Variants in EDIL3 observed in about 807,000 individuals in gnomAD.
EDIL3 encodes EGF-like repeat and discoidin I-like domain-containing protein 3.
Under a neutral mutation model 67.4 loss-of-function variants are expected in EDIL3, and 37 were observed. The ratio of observed to expected loss-of-function variants is 0.55; its 90% CI spans 0.42 to 0.72. The LOEUF is 0.72. Among genes scored for constraint, EDIL3 ranks in the 30% least tolerant of loss-of-function variants. The pLI is 0.00. For synonymous variants in EDIL3, 195 were observed against 196.3 expected, an observed-to-expected ratio of 0.99 and a Z score of 0.05; for missense variants, 527 against 586.3, an observed-to-expected ratio of 0.90 and a Z score of 1.04.
intron 9 of EDIL3, among the ~76,000 whole-genome samples, chr5:84,042,468 C>G (rs1213913199): frequency 6.6e-6 from 1 of 151,876 alleles, no homozygotes; most frequent in African/African-American, 2.4e-5. Context: ...TTTTAGTAGA[C>G]ATGGGGTTTC....
At chr5:84,008,875 G>GGATC (rs1441708037) in intron 9 of EDIL3, among the ~76,000 whole-genome samples, 2 of 151,998 alleles carry the variant, frequency 1.3e-5, no homozygotes, top group African/African-American at 4.8e-5. Context: ...TGCAGTGATG[G>GGATC]GATCTCAGCT....
At chr5:84,223,844 C>CTA (rs141170167) in intron 3 of EDIL3, among the ~76,000 whole-genome samples, 3,317 of 151,364 alleles carry the variant, frequency 0.022, 131 homozygotes, top group African/African-American at 0.077. Context: ...AATCATTTTA[C>CTA]TATATATATG....
intron 3 of EDIL3, among the ~76,000 whole-genome samples, chr5:84,222,954 C>T (rs576555825): frequency 6.6e-6 from 1 of 151,834 alleles, no homozygotes; most frequent in Admixed American, 6.6e-5. Flanking sequence ...TTGATTGTTT[C>T]CTTTGTTGTG....
chr5:84,370,754 A>C (rs886122873), intron 1 of EDIL3, among the ~76,000 whole-genome samples: 2 of 152,138 alleles, frequency 1.3e-5, no homozygotes, highest in African/African-American at 4.8e-5. Flanking sequence ...GCCACTACTA[A>C]AGTATTTATT....
intron 9 of EDIL3, among the ~76,000 whole-genome samples, chr5:84,038,934 T>C (rs1406418406): frequency 1.3e-5 from 2 of 152,170 alleles, no homozygotes; most frequent in African/African-American, 2.4e-5. Context: ...TCCAGGCACA[T>C]GCAGCATATT....
At chr5:84,170,834 G>T (rs972134134) in intron 4 of EDIL3, among the ~76,000 whole-genome samples, 3 of 151,692 alleles carry the variant, frequency 2.0e-5, no homozygotes, top group African/African-American at 7.3e-5. Flanking sequence ...TTGTTTTGTT[G>T]CCCGGGCTGG....
intron 1 of EDIL3, among the ~76,000 whole-genome samples, chr5:84,291,251 G>A (rs772239469): frequency 2.0e-5 from 3 of 152,004 alleles, no homozygotes; most frequent in Non-Finnish European, 4.4e-5. Flanking sequence ...TTTCATGATC[G>A]GCACGAGAAT....
intron 2 of EDIL3, among the ~76,000 whole-genome samples, chr5:84,231,504 AGC>A (rs1744577077): frequency 6.6e-6 from 1 of 152,216 alleles, no homozygotes; most frequent in Non-Finnish European, 1.5e-5. Context: ...CTTTGTTCCC[AGC>A]GGATTCGTTA....
At chr5:84,031,387 A>C (rs572425823) in intron 9 of EDIL3, among the ~76,000 whole-genome samples, 2 of 152,314 alleles carry the variant, frequency 1.3e-5, no homozygotes, top group Admixed American at 6.5e-5. Context: ...GATGGATAAT[A>C]ATTTTTTACT....
intron 5 of EDIL3, among the ~76,000 whole-genome samples, chr5:84,132,087 TA>T (rs1476564033): frequency 2.0e-5 from 3 of 149,174 alleles, no homozygotes; most frequent in Non-Finnish European, 4.4e-5. Context: ...ACAAAAAAAA[TA>T]GCCTGGCGTG....
intron 1 of EDIL3, among the ~76,000 whole-genome samples, chr5:84,279,730 G>A (rs532058837): frequency 4.5e-4 from 69 of 152,150 alleles, no homozygotes; most frequent in African/African-American, 1.5e-3. Flanking sequence ...TGAAATCATA[G>A]GGCAGAAGCT....
intron 1 of EDIL3, among the ~76,000 whole-genome samples, chr5:84,303,986 A>G (rs1439750106): frequency 6.6e-6 from 1 of 152,020 alleles, no homozygotes; most frequent in Non-Finnish European, 1.5e-5. Flanking sequence ...ATCTTTCCAT[A>G]TCAATCCATA....
At chr5:84,301,697 T>G (rs1746164234) in intron 1 of EDIL3, among the ~76,000 whole-genome samples, 1 of 152,200 alleles carries the variant, frequency 6.6e-6, no homozygotes, top group African/African-American at 2.4e-5. Flanking sequence ...AAAGCAATCA[T>G]TAATCAAATA....
intron 6 of EDIL3, among the ~76,000 whole-genome samples, chr5:84,100,266 C>T (rs770819696): frequency 2.0e-5 from 3 of 152,094 alleles, no homozygotes; most frequent in Admixed American, 1.3e-4. Context: ...GCTATAAAGA[C>T]ACATGCACAT....
At chr5:84,319,526 A>AAAAAAC (rs1746588531) in intron 1 of EDIL3, among the ~76,000 whole-genome samples, 1 of 92,116 alleles carries the variant, frequency 1.1e-5, no homozygotes, top group Non-Finnish European at 2.4e-5. Flanking sequence ...AAAAAAAAGA[A>AAAAAAC]ATAGGAATGC....
chr5:84,229,517 A>G (rs1394332871), intron 3 of EDIL3, among the ~76,000 whole-genome samples: 1 of 152,098 alleles, frequency 6.6e-6, no homozygotes, highest in Non-Finnish European at 1.5e-5. Context: ...TCTTAATTTT[A>G]TCATTCATTC....
intron 4 of EDIL3, among the ~76,000 whole-genome samples, chr5:84,138,890 T>A (rs1580345218): frequency 6.6e-6 from 1 of 152,162 alleles, no homozygotes; most frequent in East Asian, 1.9e-4. Flanking sequence ...CTTCAAATAA[T>A]AGGATAAAAT....
chr5:84,169,937 T>TTA (rs1748784245), intron 4 of EDIL3, among the ~76,000 whole-genome samples: 11 of 152,214 alleles, frequency 7.2e-5, no homozygotes, highest in Admixed American at 7.2e-4. Flanking sequence ...TGTATGGTAA[T>TTA]GCCTGTGTCA....
At chr5:84,011,490 C>T (rs1483706400) in intron 9 of EDIL3, among the ~76,000 whole-genome samples, 2 of 152,140 alleles carry the variant, frequency 1.3e-5, no homozygotes, top group East Asian at 3.8e-4. Flanking sequence ...CTCTTGCTTT[C>T]CTACAGTCAA....
Sources: allele counts gnomAD v4.1 joint callset (sites outside exome capture counted in the v4.1 genomes callset), GRCh38; gene constraint gnomAD v4.1.1; transcripts MANE v1.5; gene names NCBI Gene and HGNC (gene_info 2026-07-23, HGNC 2026-07-21).